The following CTBP1 variants were observed in gnomAD, a reference collection of about 807,000 sequenced individuals.
CTBP1 encodes C-terminal-binding protein 1.
CTBP1 carries 11 observed loss-of-function variants against 42.1 expected under a neutral mutation model. The observed-to-expected ratio is 0.26, with a 90% CI of 0.16 to 0.43. The LOEUF is 0.43. Among genes scored for constraint, CTBP1 ranks in the 20% least tolerant of loss-of-function variants. The probability of loss-of-function intolerance (pLI) is 1.00; values close to 1 mark genes in which losing one functional copy is unlikely to be tolerated. For synonymous variants in CTBP1, 324 were observed against 277.1 expected (o/e 1.17, Z -1.68); for missense variants, 399 against 624.3 (o/e 0.64, Z 3.85).
intron 3 of CTBP1, chr4:1,237,523 T>TCAGGAGAAACCGAG (rs1731663373): frequency 1.6e-6 from 1 of 638,922 alleles, no homozygotes; most frequent in African/African-American, 2.1e-5. Flanking sequence ...CTGATGGGGC[T>TCAGGAGAAACCGAG]TAGGACAAAC....
At chr4:1,216,270 G>A (rs1005687332) in intron 5 of CTBP1, 65 bp from the exon 6 acceptor site, 8 of 1,491,990 alleles carry the variant, frequency 5.4e-6, no homozygotes, top group Non-Finnish European at 7.2e-6. Context: ...GGCCCCGAAA[G>A]CCAGGGTCGG....
rs1311104653 is a variant in CTBP1 at position 1,212,020 on chromosome 4, T to C, written c.*220A>G. On this transcript the variant is annotated 3_prime_UTR_variant, in exon 10 of 10. Transcript: ENST00000382952. Reference sequence around the variant, plus strand: ...TCATGGGAGAATAACTACTGACTTCTTCTGCTTAACGAGGAACGCGAAGGA... The same window carrying C: ...TCATGGGAGAATAACTACTGACTTCCTCTGCTTAACGAGGAACGCGAAGGA... The C allele has an allele frequency of 1.5e-5, 6 of 395,394 alleles. No individual in the cohort carries two copies. Among genetic ancestry groups the C allele is most frequent in the East Asian group, 1.5e-4 (4 of 27,420 alleles). The allele number at this position is 395,394 out of a possible 1,614,324, so 24.5% of individuals were successfully genotyped here.
chr4:1,249,151 G>C (rs1733097750), upstream of CTBP1: 1 of 148,322 alleles, frequency 6.7e-6, no homozygotes, highest in Non-Finnish European at 1.5e-5. Flanking sequence ...CGGCGCGCGC[G>C]GGCGGGGCCT....
chr4:1,225,700 C>A (rs893772986), intron 4 of CTBP1, 134 bp from the exon 5 acceptor site: 1 of 898,380 alleles, frequency 1.1e-6, no homozygotes, highest in Non-Finnish European at 1.6e-6. Flanking sequence ...AAGGCCACCC[C>A]GGGAGGCCAC....
In CTBP1 at chr4:1,233,755, G is replaced by A. The variant is rs533173685; in HGVS notation, c.162+4428C>T. 1.3e-3 allele frequency among the ~76,000 whole-genome samples: 200 copies of A among 152,302 alleles called. No individual in the cohort carries two copies. Among genetic ancestry groups the A allele is most frequent in the Middle Eastern group, 3.4e-3 (1 of 294 alleles). On this transcript the variant is annotated intron_variant, in intron 3 of 9. Coordinates refer to ENST00000382952, the MANE Select transcript of CTBP1 (RefSeq NM_001012614.2). The surrounding 1 kb of genome is among the most constrained non-coding windows in gnomAD (Gnocchi z 4.6). Reference sequence around the variant, plus strand: ...CCGCTCCTCCTGTGACCGCACTGACGGTATCACGTTCTCTCCCTCCACGGC... The same window carrying A: ...CCGCTCCTCCTGTGACCGCACTGACAGTATCACGTTCTCTCCCTCCACGGC...
intron 3 of CTBP1, chr4:1,236,130 C>A (rs1442461087): frequency 2.6e-5 from 4 of 155,146 alleles, no homozygotes; most frequent in Non-Finnish European, 4.3e-5. Flanking sequence ...GTTGGCAAGG[C>A]CCGCCCGTTC....
intron 1 of CTBP1, 160 bp downstream of exon 1, chr4:1,248,756 A>C (rs574121153): frequency 5.7e-5 from 56 of 974,526 alleles, no homozygotes; most frequent in East Asian, 1.2e-4. Context: ...CCCGCCCCCG[A>C]CCGCGGCCAC....
chr4:1,223,625 G>C (rs913216598), intron 5 of CTBP1: 42 of 396,214 alleles, frequency 1.1e-4, no homozygotes, highest in Non-Finnish European at 2.0e-4. Flanking sequence ...GAGACAGGCA[G>C]CTGGGCCAAG....
rs1290870818 is a variant in CTBP1, at chr4:1,235,426, C to A, written c.162+2757G>T. The A allele has an allele frequency of 1.3e-5, 2 of 152,246 alleles. No homozygotes were observed. Among genetic ancestry groups the A allele is most frequent in the Non-Finnish European group, 2.9e-5 (2 of 68,064 alleles). 9.4% of individuals were successfully genotyped at this position (152,246 alleles called of 1,614,324 possible). A position where few individuals can be genotyped will look rare whatever the true frequency, so the allele number is the denominator to read the frequency against. ...GTTTTGCTGTCATCATCACTTCCAA[C>A]CCCTTCCCTCTCCTGTTCTGAAGTT... On this transcript the variant is annotated intron_variant, in intron 3 of 9. Coordinates refer to ENST00000382952, the MANE Select transcript of CTBP1 (RefSeq NM_001012614.2). The surrounding 1 kb of genome is among the most constrained non-coding windows in gnomAD (Gnocchi z 4.2).
chr4:1,225,275 C>A, intron 5 of CTBP1, 85 bp downstream of exon 5: 1 of 1,448,814 alleles, frequency 6.9e-7, no homozygotes, highest in South Asian at 1.4e-5. Context: ...CCACCCCGCC[C>A]CGGGCCTCTC....
chr4:1,214,494 C>G (rs370028822), intron 6 of CTBP1, 21 bp from the exon 7 acceptor site: 10 of 1,555,712 alleles, frequency 6.4e-6, no homozygotes, highest in Non-Finnish European at 8.6e-6. Context: ...TAAGGACAGG[C>G]CAGGCCCAGT....
Position 1,225,405 on chromosome 4 carries a change from CG to C in CTBP1, c.468del (p.Gly157AlafsTer66). Reference protein sequence around the residue: ...QSVEQIREVASGAARIRGETL... With the variant: ...QSVEQIREVAXGAARIRGETL... ...GTCTCCCCGCGGATCCTGGCAGCGCCGGACGCCACCTCGCGGATCTGCTCGA... is the reference window on the plus strand; with the variant it reads ...GTCTCCCCGCGGATCCTGGCAGCGCCGACGCCACCTCGCGGATCTGCTCGA... On this transcript the variant is annotated frameshift_variant, in exon 5 of 10. Coordinates refer to ENST00000382952, the MANE Select transcript of CTBP1 (RefSeq NM_001012614.2). LOFTEE classifies it high-confidence loss of function. The C allele has an allele frequency of 6.4e-7, 1 of 1,566,930 alleles. No homozygotes were observed. The highest frequency in any genetic ancestry group is 1.8e-5 in the Admixed American group (1 of 54,886).
intron 5 of CTBP1, among the ~76,000 whole-genome samples, 192 bp downstream of exon 5, chr4:1,225,168 C>T (rs532454854): frequency 6.6e-6 from 1 of 152,284 alleles, no homozygotes; most frequent in African/African-American, 2.4e-5. Context: ...TGTGCTGTGA[C>T]GTCCGTGCAC....
intron 3 of CTBP1, chr4:1,231,192 C>T (rs577457326): frequency 2.3e-5 from 3 of 131,708 alleles, no homozygotes; most frequent in Admixed American, 1.5e-4. Flanking sequence ...CACAGGTCCA[C>T]AGGCCAGGGT....
chr4:1,212,827 C>T (rs1259764181), intron 9 of CTBP1, 86 bp downstream of exon 9: 16 of 1,174,518 alleles, frequency 1.4e-5, no homozygotes, highest in African/African-American at 3.0e-5. Flanking sequence ...GTGGAGACGC[C>T]GCCCCTCCCA....
chr4:1,238,414 T>A lies in CTBP1; in HGVS notation c.8-77A>T. 4.7e-6 allele frequency: 7 copies of A among 1,477,786 alleles called. No individual in the cohort carries two copies. Among genetic ancestry groups the A allele is most frequent in the Non-Finnish European group, 6.3e-6 (7 of 1,113,492 alleles). The allele number at this position is 1,477,786 out of a possible 1,614,324, so 91.5% of individuals were successfully genotyped here. On this transcript the variant is annotated intron_variant, in intron 2 of 9. Transcript: ENST00000382952. The surrounding 1 kb of genome is among the most constrained non-coding windows in gnomAD (Gnocchi z 5.9). Reference sequence around the variant, plus strand: ...ACAACCCACTCCACGCCACCCACTGTGCACGGGCCAACGAGGGCCGACCGC... The same window carrying A: ...ACAACCCACTCCACGCCACCCACTGAGCACGGGCCAACGAGGGCCGACCGC...
intron 1 of CTBP1, among the ~76,000 whole-genome samples, chr4:1,248,240 G>T (rs1189467445): frequency 6.6e-6 from 1 of 151,886 alleles, no homozygotes; most frequent in African/African-American, 2.4e-5. Flanking sequence ...AGGTGGGGGC[G>T]CTGGGCCGGT....
intron 1 of CTBP1, chr4:1,243,364 G>A (rs1732390204): frequency 2.0e-6 from 2 of 985,186 alleles, no homozygotes; most frequent in African/African-American, 3.5e-5. Context: ...GGGCTCCTGG[G>A]GCCCTGCACT....
At chr4:1,232,607 C>A (rs1240063469) in intron 3 of CTBP1, among the ~76,000 whole-genome samples, 1 of 152,228 alleles carries the variant, frequency 6.6e-6, no homozygotes, top group East Asian at 1.9e-4. Context: ...CTGCTGCACC[C>A]CACCTTGCAA....
Sources: gnomAD v4.1 joint callset for allele counts (sites outside exome capture counted in the v4.1 genomes callset) on GRCh38, gnomAD v4.1.1 for gene constraint, Gnocchi (gnomAD v3.1) non-coding constraint, MANE v1.5 for transcripts, NCBI Gene and HGNC (gene_info 2026-07-23, HGNC 2026-07-21) for gene names.